Variants in ZEB1 observed in about 807,000 individuals in gnomAD.
ZEB1 encodes the protein zinc finger E-box binding homeobox 1.
A neutral mutation model predicts 84.9 loss-of-function variants in ZEB1; 21 were observed. The observed-to-expected ratio is 0.25, with a 90% confidence interval of 0.18 to 0.36. ZEB1 has a LOEUF of 0.36. Among genes scored for constraint, ZEB1 ranks in the 10% least tolerant of loss-of-function variants. The pLI is 1.00. For missense variants in ZEB1, 1,104 were observed against 1,330.2 expected (o/e 0.83, Z 2.65); for synonymous variants, 420 against 471.1 (o/e 0.89, Z 1.41).
chr10:31,483,685 C>T (rs947348971), intron 2 of ZEB1, among the ~76,000 whole-genome samples: 1 of 151,830 alleles, frequency 6.6e-6, no homozygotes, highest in African/African-American at 2.4e-5. Flanking sequence ...AAATATTGAC[C>T]TCTGCAGGGC....
intron 7 of ZEB1, among the ~76,000 whole-genome samples, chr10:31,523,085 C>G (rs564866045): frequency 6.6e-6 from 1 of 152,348 alleles, no homozygotes; most frequent in Middle Eastern, 3.4e-3. Flanking sequence ...GGCTGCACCT[C>G]TCTTGCCTCA....
chr10:31,519,594 A>G (rs1286988818), intron 6 of ZEB1, among the ~76,000 whole-genome samples: 3 of 152,234 alleles, frequency 2.0e-5, no homozygotes, highest in Admixed American at 6.5e-5. Flanking sequence ...AATATCTTAT[A>G]TAAGTTTTCC....
At chr10:31,484,533 T>C (rs1430324155) in intron 2 of ZEB1, among the ~76,000 whole-genome samples, 1 of 151,988 alleles carries the variant, frequency 6.6e-6, no homozygotes, top group Non-Finnish European at 1.5e-5. Flanking sequence ...GTAATTATTA[T>C]CTGTAATTTC....
At chr10:31,401,469 C>T (rs959726014) in intron 1 of ZEB1, among the ~76,000 whole-genome samples, 1 of 152,042 alleles carries the variant, frequency 6.6e-6, no homozygotes, top group African/African-American at 2.4e-5. Context: ...AACAGAAGCA[C>T]GGTGAACTGA....
At chr10:31,404,947 A>G (rs2052705384) in intron 1 of ZEB1, among the ~76,000 whole-genome samples, 1 of 152,176 alleles carries the variant, frequency 6.6e-6, no homozygotes, top group Admixed American at 6.6e-5. Flanking sequence ...GTACAGTTAC[A>G]CAAGGCTCAG....
intron 2 of ZEB1, among the ~76,000 whole-genome samples, chr10:31,468,478 C>A (rs534497639): frequency 6.6e-6 from 1 of 152,320 alleles, no homozygotes; most frequent in South Asian, 2.1e-4. Context: ...GTAGGGTGAA[C>A]TGCACAACCC....
At chr10:31,463,589 C>G (rs2062046288) in intron 2 of ZEB1, among the ~76,000 whole-genome samples, 2 of 152,110 alleles carry the variant, frequency 1.3e-5, no homozygotes, top group South Asian at 4.1e-4. Flanking sequence ...TAAAAGCAAA[C>G]CATTTTCCAT....
chr10:31,495,424 C>T (rs1026351378), intron 2 of ZEB1, among the ~76,000 whole-genome samples: 2 of 151,912 alleles, frequency 1.3e-5, no homozygotes, highest in Non-Finnish European at 2.9e-5. Flanking sequence ...AAGATATCTT[C>T]GTGAGTTTGG....
intron 1 of ZEB1, among the ~76,000 whole-genome samples, chr10:31,383,389 C>A (rs2048041029): frequency 6.6e-6 from 1 of 151,354 alleles, no homozygotes; most frequent in Non-Finnish European, 1.5e-5. Flanking sequence ...TAGTGTAGTT[C>A]CAGAAATAAA....
intron 1 of ZEB1, among the ~76,000 whole-genome samples, chr10:31,335,951 G>A (rs1165119745): frequency 3.3e-5 from 5 of 152,098 alleles, no homozygotes; most frequent in African/African-American, 4.8e-5. Context: ...GCATAGAAAT[G>A]CAATTAAGAG....
At chr10:31,445,939 T>A (rs1341961610) in intron 1 of ZEB1, among the ~76,000 whole-genome samples, 1 of 127,966 alleles carries the variant, frequency 7.8e-6, no homozygotes, top group Non-Finnish European at 1.6e-5. Flanking sequence ...ATAAAATGAG[T>A]TAGGGAGGAT....
chr10:31,323,580 T>G (rs1230939619), intron 1 of ZEB1, among the ~76,000 whole-genome samples: 1 of 152,088 alleles, frequency 6.6e-6, no homozygotes, highest in Non-Finnish European at 1.5e-5. Flanking sequence ...ATTTGTCAGT[T>G]GTAATTAAGG....
chr10:31,460,130 G>A (rs1054097802), intron 1 of ZEB1, among the ~76,000 whole-genome samples: 15 of 151,780 alleles, frequency 9.9e-5, no homozygotes, highest in African/African-American at 3.6e-4. Flanking sequence ...CATCCTGTTA[G>A]AGTGATTATT....
chr10:31,498,822 T>C (rs1258878719), intron 3 of ZEB1, among the ~76,000 whole-genome samples: 1 of 152,014 alleles, frequency 6.6e-6, no homozygotes, highest in Non-Finnish European at 1.5e-5. Flanking sequence ...TGAGCTCATA[T>C]TTCCATTCTA....
At chr10:31,469,580 T>G (rs1231853953) in intron 2 of ZEB1, among the ~76,000 whole-genome samples, 2 of 152,186 alleles carry the variant, frequency 1.3e-5, no homozygotes, top group African/African-American at 4.8e-5. Flanking sequence ...GGAGTCTCGC[T>G]GATTGCTAGC....
intron 1 of ZEB1, among the ~76,000 whole-genome samples, chr10:31,450,066 C>T (rs563610255): frequency 3.9e-5 from 6 of 152,240 alleles, no homozygotes; most frequent in Admixed American, 6.5e-5. Flanking sequence ...AAACTGTAGA[C>T]GTGTTGATCT....
intron 1 of ZEB1, among the ~76,000 whole-genome samples, chr10:31,327,441 T>A (rs1263170929): frequency 6.6e-6 from 1 of 152,214 alleles, no homozygotes; most frequent in South Asian, 2.1e-4. Context: ...TAGCATTGTT[T>A]GATAGCTAGA....
At chr10:31,458,274 TA>T (rs1402646695) in intron 1 of ZEB1, among the ~76,000 whole-genome samples, 3 of 151,824 alleles carry the variant, frequency 2.0e-5, no homozygotes, top group African/African-American at 7.3e-5. Flanking sequence ...TGAAAGTTAA[TA>T]GCATTGTGCA....
chr10:31,409,223 A>G (rs558273178), intron 1 of ZEB1, among the ~76,000 whole-genome samples: 3,490 of 152,128 alleles, frequency 0.023, 131 homozygotes, highest in African/African-American at 0.078. Context: ...TTAGAATGGC[A>G]ATCATTAAAA....
Sources: allele counts gnomAD v4.1 joint callset (sites outside exome capture counted in the v4.1 genomes callset), GRCh38; gene constraint gnomAD v4.1.1; transcripts MANE v1.5; gene names NCBI Gene and HGNC (gene_info 2026-07-23, HGNC 2026-07-21).